The following GSE1 variants were observed in gnomAD, a reference collection of about 807,000 sequenced individuals.
GSE1 encodes the protein Gse1 coiled-coil protein.
Under a neutral mutation model 112.6 loss-of-function variants are expected in GSE1, and 32 were observed. That is an observed-to-expected ratio of 0.28 (90% CI 0.21 to 0.38). GSE1 has a LOEUF of 0.38. Ranked by LOEUF, GSE1 falls within the 10% of genes least tolerant of loss-of-function variation. GSE1 has a pLI of 1.00. For synonymous variants in GSE1, 1,115 were observed against 735.6 expected (o/e 1.52, Z -8.35); for missense variants, 2,348 against 1,699.2 (o/e 1.38, Z -6.71).
intron 1 of GSE1, among the ~76,000 whole-genome samples, chr16:85,226,799 G>C (rs1020976128): frequency 2.0e-5 from 3 of 146,724 alleles, no homozygotes; most frequent in Non-Finnish European, 3.0e-5. Context: ...GTGTGTGTGT[G>C]TGTGTGTGTG....
chr16:85,520,944 T>C (rs1006012474), intron 2 of GSE1, among the ~76,000 whole-genome samples: 4 of 152,140 alleles, frequency 2.6e-5, no homozygotes, highest in Admixed American at 2.6e-4. Context: ...AGCACTGCCC[T>C]GGATGGAGGT....
At chr16:85,377,713 C>T (rs2047450970) in intron 2 of GSE1, among the ~76,000 whole-genome samples, 1 of 152,230 alleles carries the variant, frequency 6.6e-6, no homozygotes, top group African/African-American at 2.4e-5. Flanking sequence ...CTCTGTTGTT[C>T]CCGGGAGTGG....
intron 1 of GSE1, among the ~76,000 whole-genome samples, chr16:85,191,971 G>C (rs2074832821): frequency 6.6e-6 from 1 of 152,200 alleles, no homozygotes; most frequent in African/African-American, 2.4e-5. Context: ...AGGAGGACAA[G>C]GGCAGCAGTT....
intron 2 of GSE1, among the ~76,000 whole-genome samples, chr16:85,518,920 G>C (rs1567554989): frequency 6.6e-6 from 1 of 152,134 alleles, no homozygotes; most frequent in Non-Finnish European, 1.5e-5. Context: ...TCCTCCGCTG[G>C]CTCGTGTTTT....
upstream of GSE1, among the ~76,000 whole-genome samples, chr16:85,612,485 C>T (rs1167419301): frequency 6.6e-6 from 1 of 152,146 alleles, no homozygotes; most frequent in African/African-American, 2.4e-5. Flanking sequence ...CTGACCGCAA[C>T]CCCAGCTACT....
intron 2 of GSE1, among the ~76,000 whole-genome samples, chr16:85,472,057 A>G (rs2050311760): frequency 6.6e-6 from 1 of 152,120 alleles, no homozygotes; most frequent in African/African-American, 2.4e-5. Flanking sequence ...TGCTCACGAG[A>G]TACCAGTAAT....
chr16:85,523,178 GT>G (rs1349337539), intron 2 of GSE1, among the ~76,000 whole-genome samples: 1 of 150,930 alleles, frequency 6.6e-6, no homozygotes, highest in African/African-American at 2.4e-5. Context: ...TGTGGCTGTG[GT>G]TGTGTCTGCC....
intron 1 of GSE1, among the ~76,000 whole-genome samples, chr16:85,180,017 C>CG (rs903913991): frequency 5.3e-5 from 8 of 152,254 alleles, no homozygotes; most frequent in East Asian, 3.9e-4. Flanking sequence ...CATGTGTTGG[C>CG]GGGGGGCTGT....
chr16:85,316,764 T>C (rs569242897), intron 1 of GSE1, among the ~76,000 whole-genome samples: 3 of 152,314 alleles, frequency 2.0e-5, no homozygotes, highest in African/African-American at 7.2e-5. Flanking sequence ...TGCTGTGGCC[T>C]ATTTCCTGTG....
intron 1 of GSE1, among the ~76,000 whole-genome samples, chr16:85,337,623 C>T (rs544171501): frequency 2.5e-4 from 38 of 150,962 alleles, no homozygotes; most frequent in African/African-American, 7.3e-4. Flanking sequence ...GACTTTCAAG[C>T]AGGGAAACCG....
chr16:85,447,121 G>C (rs1220003671), intron 2 of GSE1, among the ~76,000 whole-genome samples: 1 of 152,174 alleles, frequency 6.6e-6, no homozygotes, highest in African/African-American at 2.4e-5. Context: ...TGCTTTCTGG[G>C]CCTCCGTGTC....
rs556283044 is a variant in GSE1, at chr16:85,284,626, C to T, written c.2284-72837C>T. ...CGAGCCAGCGAGGGGGTGGTGAGAA[C>T]CTGCTAACTGGATATTAAACGCCCG... On this transcript the variant is annotated intron_variant, in intron 1 of 2. Coordinates refer to the GSE1 transcript ENST00000637419. Among the ~76,000 whole-genome samples the T allele has an allele frequency of 3.5e-4, 54 of 152,302 alleles. 1 individual carries two copies. The South Asian group carries it at 0.011, about 31-fold the overall frequency.
chr16:85,307,548 G>GC (rs1597354054), intron 1 of GSE1, among the ~76,000 whole-genome samples: 1 of 152,362 alleles, frequency 6.6e-6, no homozygotes, highest in Admixed American at 6.5e-5. Context: ...AGAGCTTCGA[G>GC]CTGTCCCTCT....
At chr16:85,652,716 G>A (rs760834385) in intron 3 of GSE1, among the ~76,000 whole-genome samples, 210 of 152,254 alleles carry the variant, frequency 1.4e-3, no homozygotes, top group Non-Finnish European at 2.6e-3. Flanking sequence ...CCAGGAAGAG[G>A]GGCTGGCGGG....
At chr16:85,185,675 C>T (rs1216907685) in intron 1 of GSE1, among the ~76,000 whole-genome samples, 1 of 152,266 alleles carries the variant, frequency 6.6e-6, no homozygotes, top group Non-Finnish European at 1.5e-5. Context: ...GAGAAACGTC[C>T]CCCGTGTCTG....
At chr16:85,629,023 C>T (rs1281981611) in intron 1 of GSE1, among the ~76,000 whole-genome samples, 1 of 152,188 alleles carries the variant, frequency 6.6e-6, no homozygotes, top group Admixed American at 6.5e-5. Context: ...GGTGAGCACG[C>T]TCTCGCAAGA....
chr16:85,472,599 A>G (rs1449767554), intron 2 of GSE1, among the ~76,000 whole-genome samples: 1 of 152,220 alleles, frequency 6.6e-6, no homozygotes, highest in Non-Finnish European at 1.5e-5. Context: ...TATGGGAGGC[A>G]TAGCGCAGCC....
chr16:85,661,884 C>T, intron 9 of GSE1, 119 bp downstream of exon 9: 1 of 1,034,888 alleles, frequency 9.7e-7, no homozygotes, highest in East Asian at 2.6e-5. Context: ...GGGGTAGTCC[C>T]AGGCCCCAGG....
chr16:85,303,410 C>A (rs991072608), intron 1 of GSE1, among the ~76,000 whole-genome samples: 1 of 152,216 alleles, frequency 6.6e-6, no homozygotes, highest in East Asian at 1.9e-4. Context: ...ACCTGTCGGT[C>A]TGACGGTGCC....
Sources: allele counts gnomAD v4.1 joint callset (sites outside exome capture counted in the v4.1 genomes callset), GRCh38; gene constraint gnomAD v4.1.1; transcripts MANE v1.5; gene names NCBI Gene and HGNC (gene_info 2026-07-23, HGNC 2026-07-21).